The following PDE10A variants were observed in gnomAD, a reference collection of about 807,000 sequenced individuals.
PDE10A encodes the protein phosphodiesterase 10A.
In PDE10A, 39 loss-of-function variants were observed where a neutral mutation model predicts 97.7. The observed-to-expected ratio is 0.40, with a 90% CI of 0.31 to 0.52. PDE10A has a LOEUF of 0.52. PDE10A is among the 20% of genes least tolerant of loss of function. The pLI, the probability that PDE10A is intolerant of heterozygous loss-of-function variation, is 0.56. For synonymous variants in PDE10A, 371 were observed against 376.8 expected (o/e 0.98, Z 0.18); for missense variants, 731 against 1,047.8 (o/e 0.70, Z 4.17).
At chr6:165,796,354 G>A (rs1778833610) in intron 1 of PDE10A, among the ~76,000 whole-genome samples, 1 of 152,066 alleles carries the variant, frequency 6.6e-6, no homozygotes, top group African/African-American at 2.4e-5. Flanking sequence ...CTAAAGTGCT[G>A]GGGTTATAGG....
Position 165,482,409 on chromosome 6 carries a change from A to G in PDE10A, c.995-66T>C, listed in dbSNP as rs1779658388. ...CTGAGTAGGTTTTAAAATACAAAACATGTCATTTGCTTTCAATAAACTTGA... is the reference window on the plus strand; with the variant it reads ...CTGAGTAGGTTTTAAAATACAAAACGTGTCATTTGCTTTCAATAAACTTGA... On this transcript the variant is annotated intron_variant, in intron 2 of 21. Transcript: ENST00000539869. 3.4e-6 allele frequency: 4 copies of G among 1,187,888 alleles called. No homozygotes were observed. The South Asian group carries it at 4.9e-5, about 15-fold the overall frequency. 73.6% of individuals were successfully genotyped at this position (1,187,888 alleles called of 1,614,324 possible). A position where few individuals can be genotyped will look rare whatever the true frequency, so the allele number is the denominator to read the frequency against.
intron 1 of PDE10A, among the ~76,000 whole-genome samples, chr6:165,915,513 G>C (rs551576721): frequency 1.3e-5 from 2 of 152,148 alleles, no homozygotes; most frequent in African/African-American, 2.4e-5. Context: ...GCACCAGAGA[G>C]GCAGTAACAC....
chr6:165,684,054 C>A lies in PDE10A; in HGVS notation c.-614-140486G>T, dbSNP rs77580439. ...TTCTCCTCCTCCTTCAGATTTTTCTCAAAACTCATGTTTGCAGTGAGGCCT... is the reference window on the plus strand; with the variant it reads ...TTCTCCTCCTCCTTCAGATTTTTCTAAAAACTCATGTTTGCAGTGAGGCCT... On this transcript the variant is annotated intron_variant, in intron 1 of 19. Transcript: ENST00000366882. Among the ~76,000 whole-genome samples, 620 of 152,232 alleles carry A rather than the reference C, an allele frequency of 4.1e-3. 9 individuals are homozygous for A. The highest frequency in any genetic ancestry group is 0.014 in the African/African-American group (595 of 41,532).
intron 1 of PDE10A, among the ~76,000 whole-genome samples, chr6:165,822,871 G>A (rs1235976573): frequency 6.6e-6 from 1 of 151,800 alleles, no homozygotes; most frequent in East Asian, 1.9e-4. Flanking sequence ...GAGTCTTGCT[G>A]TTGCCCAGGC....
At chr6:165,581,305 T>C (rs995327190) in intron 1 of PDE10A, among the ~76,000 whole-genome samples, 4 of 152,192 alleles carry the variant, frequency 2.6e-5, no homozygotes, top group African/African-American at 7.2e-5. Flanking sequence ...TGATCCTCAG[T>C]GCAGTGGCAT....
chr6:165,622,097 T>C (rs1234831758), intron 1 of PDE10A, among the ~76,000 whole-genome samples: 1 of 152,078 alleles, frequency 6.6e-6, no homozygotes, highest in Non-Finnish European at 1.5e-5. Flanking sequence ...TCCTCAAGAC[T>C]GAAACACGGA....
intron 18 of PDE10A, among the ~76,000 whole-genome samples, chr6:165,366,103 C>T (rs1038103788): frequency 6.6e-6 from 1 of 152,078 alleles, no homozygotes; most frequent in African/African-American, 2.4e-5. Context: ...ATCCATGGAA[C>T]ATGGATACAG....
chr6:165,558,386 T>C (rs1784361665), intron 1 of PDE10A, among the ~76,000 whole-genome samples: 1 of 150,496 alleles, frequency 6.6e-6, no homozygotes, highest in South Asian at 2.1e-4. Context: ...TTCTCAATCA[T>C]AGGTGGGAAC....
rs569197136 is a variant in PDE10A at position 165,560,652 on chromosome 6, C to CTTAA, written c.866-17085_866-17084insTTAA. Among the ~76,000 whole-genome samples, 22 of 152,268 alleles carry CTTAA rather than the reference C, an allele frequency of 1.4e-4. 2 individuals are homozygous for CTTAA. In the South Asian group the frequency reaches 4.1e-3, roughly 29 times the overall value. ...ATTAATCCAGTTAAGTAAAAAGAAA[C>CTTAA]GTATTTTCCAAACTATGTCACCCTT... On this transcript the variant is annotated intron_variant, in intron 1 of 21. Transcript: ENST00000539869.
chr6:165,363,954 C>T lies in PDE10A; in HGVS notation c.2783+15240G>A, dbSNP rs142633309. Among the ~76,000 whole-genome samples, 11 of 152,218 alleles carry T rather than the reference C, an allele frequency of 7.2e-5. No homozygotes were observed. In the East Asian group the frequency reaches 1.9e-3, roughly 27 times the overall value. ...CGGCAATACTTCCAAAATTGATTTACAGATTCAACATTTTCTGCATCAGAA... is the reference window on the plus strand; with the variant it reads ...CGGCAATACTTCCAAAATTGATTTATAGATTCAACATTTTCTGCATCAGAA... On this transcript the variant is annotated intron_variant, in intron 18 of 21. Coordinates refer to ENST00000539869, the MANE Select transcript of PDE10A (RefSeq NM_001385079.1).
At chr6:165,530,271 G>A (rs1454369068) in intron 2 of PDE10A, among the ~76,000 whole-genome samples, 5 of 9,738 alleles carry the variant, frequency 5.1e-4, no homozygotes, top group East Asian at 3.5e-3. Flanking sequence ...CTTTATATAT[G>A]TGTGTGTGTG....
At chr6:165,821,708 T>C (rs576166755) in intron 1 of PDE10A, among the ~76,000 whole-genome samples, 1 of 152,010 alleles carries the variant, frequency 6.6e-6, no homozygotes, top group Non-Finnish European at 1.5e-5. Context: ...TTGTTTGTTT[T>C]GTTTTTGTGT....
intron 1 of PDE10A, among the ~76,000 whole-genome samples, chr6:165,627,702 T>G (rs1378158023): frequency 1.3e-5 from 2 of 152,168 alleles, no homozygotes; most frequent in East Asian, 3.8e-4. Flanking sequence ...GGATTTTCAT[T>G]TTCATTTTCT....
intron 5 of PDE10A, among the ~76,000 whole-genome samples, chr6:165,441,275 T>C (rs1790440809): frequency 6.6e-6 from 1 of 152,222 alleles, no homozygotes; most frequent in Non-Finnish European, 1.5e-5. Context: ...AGCTCCTCTC[T>C]GTTAGCACAT....
intron 1 of PDE10A, among the ~76,000 whole-genome samples, chr6:165,810,457 C>G (rs1779250191): frequency 6.6e-6 from 1 of 152,130 alleles, no homozygotes; most frequent in African/African-American, 2.4e-5. Context: ...CTGCTTAATT[C>G]ACTTCACCAT....
intron 1 of PDE10A, among the ~76,000 whole-genome samples, chr6:165,701,119 C>T (rs145509584): frequency 2.6e-5 from 4 of 152,296 alleles, no homozygotes; most frequent in Admixed American, 6.5e-5. Flanking sequence ...ATCAGCTATG[C>T]GGTGTCTGAC....
At chr6:165,353,799 T>G (rs1044928628) in intron 18 of PDE10A, among the ~76,000 whole-genome samples, 26 of 152,170 alleles carry the variant, frequency 1.7e-4, no homozygotes. Context: ...GATACTAAAA[T>G]GGTGGATACG....
At chr6:165,393,938 T>A (rs1785923403) in intron 15 of PDE10A, among the ~76,000 whole-genome samples, 1 of 152,154 alleles carries the variant, frequency 6.6e-6, no homozygotes, top group Admixed American at 6.5e-5. Flanking sequence ...GGTGCCATAA[T>A]CAAATTACTG....
intron 1 of PDE10A, among the ~76,000 whole-genome samples, chr6:165,586,764 G>A (rs1785937343): frequency 6.6e-6 from 1 of 152,106 alleles, no homozygotes; most frequent in Admixed American, 6.6e-5. Flanking sequence ...TGGCTTCAGA[G>A]GTTGAAATAC....
Sources: allele counts gnomAD v4.1 joint callset (sites outside exome capture counted in the v4.1 genomes callset), GRCh38; gene constraint gnomAD v4.1.1; transcripts MANE v1.5; gene names NCBI Gene and HGNC (gene_info 2026-07-23, HGNC 2026-07-21).